The following DNAAF1 variants were observed in gnomAD, a reference collection of about 807,000 sequenced individuals.
DNAAF1 encodes dynein axonemal assembly factor 1, also known as dynein assembly factor 1, axonemal.
A neutral mutation model predicts 71.1 loss-of-function variants in DNAAF1; 65 were observed. That is an observed-to-expected ratio of 0.91 (90% CI 0.75 to 1.12). The LOEUF (loss-of-function observed/expected upper bound fraction) is 1.12, where lower values mean the gene tolerates loss of function less well. Ranked by LOEUF, DNAAF1 falls within the 50% of genes most tolerant of loss-of-function variation. DNAAF1 has a pLI of 0.00. For missense variants in DNAAF1, 1,178 were observed against 899.8 expected, an observed-to-expected ratio of 1.31 and a Z score of -3.96; for synonymous variants, 414 against 354.6, an observed-to-expected ratio of 1.17 and a Z score of -1.88.
At chr16:84,148,027 C>A (rs963802292) in intron 1 of DNAAF1, among the ~76,000 whole-genome samples, 1 of 151,732 alleles carries the variant, frequency 6.6e-6, no homozygotes. Flanking sequence ...GAGATCCCGC[C>A]ACTGCACTCC....
At chr16:84,147,372 A>T (rs1016169954) in intron 1 of DNAAF1, among the ~76,000 whole-genome samples, 2 of 152,254 alleles carry the variant, frequency 1.3e-5, no homozygotes, top group Non-Finnish European at 2.9e-5. Context: ...AAAGCAGCAG[A>T]CAACAGCTCT....
intron 4 of DNAAF1, among the ~76,000 whole-genome samples, chr16:84,155,204 A>T (rs541590578): frequency 6.6e-6 from 1 of 151,544 alleles, no homozygotes; most frequent in Non-Finnish European, 1.5e-5. Flanking sequence ...CACCATGCCC[A>T]GCCAAGAAGT....
At chr16:84,159,819 A>C (rs764712382) in intron 6 of DNAAF1, 23 bp downstream of exon 6, 8 of 1,612,562 alleles carry the variant, frequency 5.0e-6, no homozygotes, top group Non-Finnish European at 6.8e-6. Context: ...AAGCCTTCTG[A>C]TCACATTTTA....
In DNAAF1 at chr16:84,149,149, G is replaced by A. The variant is rs1356897652; in HGVS notation, c.260+7G>A. The A allele has an allele frequency of 1.2e-5, 19 of 1,613,956 alleles. No homozygotes were observed. The East Asian group carries it at 1.8e-4, about 15-fold the overall frequency. ...GGGAAGATCGGGGCCCCAGGTATGT[G>A]GGCATACTCCTAATTAGTGCACATT... On this transcript the variant is annotated splice_region_variant and intron_variant, in intron 2 of 11. Coordinates refer to ENST00000378553, the MANE Select transcript of DNAAF1 (RefSeq NM_178452.6).
At chr16:84,168,715 GA>G (rs1395398652) in intron 7 of DNAAF1, among the ~76,000 whole-genome samples, 1 of 151,788 alleles carries the variant, frequency 6.6e-6, no homozygotes, top group Non-Finnish European at 1.5e-5. Context: ...TTTTTGTTTT[GA>G]AATGTTAAAA....
In DNAAF1 at chr16:84,151,202, T is replaced by C. The variant is rs562906345; in HGVS notation, c.352+860T>C. On this transcript the variant is annotated intron_variant, in intron 3 of 11. Transcript: ENST00000378553. Reference sequence around the variant, plus strand: ...TCTCATTGTTCATTTGTCTCTTCAGTAGCTGCTTGCTGAGAGTCTACTGTG... The same window carrying C: ...TCTCATTGTTCATTTGTCTCTTCAGCAGCTGCTTGCTGAGAGTCTACTGTG... 1.2e-3 allele frequency among the ~76,000 whole-genome samples: 183 copies of C among 152,294 alleles called. 4 individuals carry two copies. The South Asian group carries it at 0.035, about 29-fold the overall frequency.
chr16:84,165,395 A>C (rs1441097602), intron 6 of DNAAF1, among the ~76,000 whole-genome samples: 1 of 152,086 alleles, frequency 6.6e-6, no homozygotes, highest in East Asian at 1.9e-4. Context: ...TATGTTGCCC[A>C]GGCTGATCTC....
intron 6 of DNAAF1, 49 bp downstream of exon 6, chr16:84,159,845 C>T (rs1038726266): frequency 5.6e-6 from 9 of 1,603,806 alleles, no homozygotes; most frequent in Admixed American, 5.0e-5. Context: ...TAGTAGTTGA[C>T]CATGCTTAAT....
intron 5 of DNAAF1, among the ~76,000 whole-genome samples, chr16:84,158,071 G>A (rs2151229774): frequency 6.6e-6 from 1 of 152,212 alleles, no homozygotes; most frequent in East Asian, 1.9e-4. Context: ...CGGGCGTGGT[G>A]GCATGCACCT....
At chr16:84,168,265 AC>A (rs1271885404) in intron 7 of DNAAF1, among the ~76,000 whole-genome samples, 1 of 151,972 alleles carries the variant, frequency 6.6e-6, no homozygotes, top group Non-Finnish European at 1.5e-5. Context: ...TCTGACTCTG[AC>A]GCTCCTGCCT....
chr16:84,174,027 C>T (rs538444011), intron 9 of DNAAF1: 3 of 199,470 alleles, frequency 1.5e-5, no homozygotes, highest in Non-Finnish European at 2.7e-5. Context: ...TCCTACAACT[C>T]TAAGCAGTAC....
At chr16:84,172,655 A>T (rs1474998630) in intron 9 of DNAAF1, 1 of 1,286,610 alleles carries the variant, frequency 7.8e-7, no homozygotes, top group Non-Finnish European at 9.9e-7. Flanking sequence ...AACCATGTCT[A>T]CCAAACTCTT....
intron 3 of DNAAF1, among the ~76,000 whole-genome samples, chr16:84,151,445 A>T (rs745740021): frequency 5.9e-5 from 9 of 152,190 alleles, no homozygotes; most frequent in Admixed American, 2.0e-4. Flanking sequence ...CCAGCATCTA[A>T]GCATAGCAGT....
intron 1 of DNAAF1, among the ~76,000 whole-genome samples, chr16:84,148,028 A>G (rs1479244707): frequency 6.6e-6 from 1 of 152,080 alleles, no homozygotes; most frequent in African/African-American, 2.4e-5. Flanking sequence ...AGATCCCGCC[A>G]CTGCACTCCA....
chr16:84,150,615 T>TC, intron 3 of DNAAF1, among the ~76,000 whole-genome samples: 1 of 144,740 alleles, frequency 6.9e-6, no homozygotes, highest in East Asian at 2.0e-4. Flanking sequence ...TTCTTTTCTT[T>TC]CTTTTTTTTT....
intron 7 of DNAAF1, among the ~76,000 whole-genome samples, chr16:84,167,685 TG>T (rs2088098397): frequency 6.6e-6 from 1 of 152,192 alleles, no homozygotes; most frequent in Non-Finnish European, 1.5e-5. Context: ...ATTTCACAGC[TG>T]CCACAACAAA....
Position 84,145,370 on chromosome 16 carries a change from G to C in DNAAF1, c.-71G>C, listed in dbSNP as rs1332270369. 6.5e-7 allele frequency: 1 copy of C among 1,548,260 alleles called. No individual in the cohort carries two copies. The highest frequency in any genetic ancestry group is 1.4e-5 in the African/African-American group (1 of 73,456). On this transcript the variant is annotated 5_prime_UTR_variant, in exon 1 of 12. Transcript: ENST00000378553. The stretch of plus-strand genomic sequence containing the variant: ...AGAGGGTACTCTCTGGCTGGGCTGG[G>C]GCCGTAGCGACGTCCGCCGCGAACC...
At chr16:84,169,730 C>T in intron 7 of DNAAF1, 129 bp from the exon 8 acceptor site, 1 of 1,371,286 alleles carries the variant, frequency 7.3e-7, no homozygotes, top group Non-Finnish European at 1.0e-6. Flanking sequence ...CCCTTGAGGA[C>T]ACTTTTTTAA....
chr16:84,149,709 A>AG lies in DNAAF1; in HGVS notation c.261-542_261-541insG, dbSNP rs1491310348. 7.3e-4 allele frequency among the ~76,000 whole-genome samples: 101 copies of AG among 138,168 alleles called. No individual in the cohort carries two copies. In the East Asian group the frequency reaches 0.02, roughly 27 times the overall value. The allele number at this position is 138,168 out of a possible 152,430, so 90.6% of individuals were successfully genotyped here. ...CCATCTCAAAAAAAAAAAAAAAAAA[A>AG]CATACATTGCAATTTTTAAGAATGC... On this transcript the variant is annotated intron_variant, in intron 2 of 11. Coordinates refer to ENST00000378553, the MANE Select transcript of DNAAF1 (RefSeq NM_178452.6).
Sources: gnomAD v4.1 joint callset for allele counts (sites outside exome capture counted in the v4.1 genomes callset) on GRCh38, gnomAD v4.1.1 for gene constraint, MANE v1.5 for transcripts, NCBI Gene and HGNC (gene_info 2026-07-23, HGNC 2026-07-21) for gene names.